Variants in LRIF1 observed in about 807,000 individuals in gnomAD.
The protein encoded by LRIF1 is ligand-dependent nuclear receptor-interacting factor 1.
In LRIF1, 32 loss-of-function variants were observed where a neutral mutation model predicts 52.7. That is an observed-to-expected ratio of 0.61 (90% CI 0.46 to 0.82). LRIF1 has a LOEUF of 0.82. Ranked by LOEUF, LRIF1 falls within the 40% of genes least tolerant of loss-of-function variation. LRIF1 has a pLI of 0.00. For synonymous variants in LRIF1, 323 were observed against 317.4 expected (o/e 1.02, Z -0.19); for missense variants, 887 against 892.0 (o/e 0.99, Z 0.07).
At chr1:110,918,084 T>G in the LRIF1 span, among the ~76,000 whole-genome samples, 2 of 152,182 alleles carry the variant, frequency 1.3e-5, no homozygotes, top group African/African-American at 2.4e-5. Flanking sequence ...AAAATTGACT[T>G]TCTTAAATTT....
At chr1:110,887,791 G>T in the LRIF1 span, among the ~76,000 whole-genome samples, 2 of 152,178 alleles carry the variant, frequency 1.3e-5, no homozygotes, top group Non-Finnish European at 2.9e-5. Context: ...CTATCCTTGG[G>T]CAGTTTTGTA....
chr1:110,929,369 A>C, the LRIF1 span, among the ~76,000 whole-genome samples: 1,891 of 152,280 alleles, frequency 0.012, 42 homozygotes, highest in African/African-American at 0.043. Context: ...GAACTACTTT[A>C]CACTTTCACC....
chr1:110,938,319 A>C, the LRIF1 span: 3 of 152,318 alleles, frequency 2.0e-5, no homozygotes, highest in Admixed American at 6.5e-5. Flanking sequence ...TCAAAATACT[A>C]ACAAGCCAAA....
the LRIF1 span, among the ~76,000 whole-genome samples, chr1:110,876,711 G>A: frequency 6.6e-6 from 1 of 151,934 alleles, no homozygotes; most frequent in Non-Finnish European, 1.5e-5. Context: ...TAACATAGAA[G>A]ACAAATTGTA....
intron 1 of LRIF1, among the ~76,000 whole-genome samples, chr1:110,955,112 C>G (rs1305559150): frequency 6.6e-6 from 1 of 152,168 alleles, no homozygotes; most frequent in African/African-American, 2.4e-5. Context: ...TTCAACATGG[C>G]CAGCAGATCT....
the LRIF1 span, among the ~76,000 whole-genome samples, chr1:110,884,267 G>T: frequency 6.6e-6 from 1 of 151,946 alleles, no homozygotes; most frequent in Non-Finnish European, 1.5e-5. Context: ...TTTCATCTAT[G>T]AACTATTTAG....
At chr1:110,898,379 G>GAAAA in the LRIF1 span, among the ~76,000 whole-genome samples, 4 of 115,644 alleles carry the variant, frequency 3.5e-5, no homozygotes, top group Non-Finnish European at 5.1e-5. Flanking sequence ...TCTGTCTCCA[G>GAAAA]AAAAAAAAAA....
chr1:110,903,812 C>A, the LRIF1 span, among the ~76,000 whole-genome samples: 1 of 152,014 alleles, frequency 6.6e-6, no homozygotes, highest in South Asian at 2.1e-4. Context: ...GAATAGAGCA[C>A]CAAGTAGGCT....
At position 110,951,638 on chromosome 1, in the gene LRIF1, A is replaced by G; in HGVS notation, c.1246T>C (p.Leu416=). ...EISREVVNIV[L]AKSKSSQMET... ...ATCTGGGAAGATTTACTTTTAGCCAAAACAATATTTACAACCTCTCTGGAT... is the reference window on the plus strand; with the variant it reads ...ATCTGGGAAGATTTACTTTTAGCCAGAACAATATTTACAACCTCTCTGGAT... The change falls in exon 2 of 4, where the codon TTG becomes CTG. Residue 416 remains leucine (L), a synonymous_variant. Transcript: ENST00000369763. The G allele has an allele frequency of 6.2e-7, 1 of 1,614,118 alleles. No individual in the cohort carries two copies. The highest frequency in any genetic ancestry group is 1.7e-5 in the Admixed American group (1 of 60,028).
At chr1:110,878,725 G>C in the LRIF1 span, among the ~76,000 whole-genome samples, 2 of 152,090 alleles carry the variant, frequency 1.3e-5, no homozygotes, top group Non-Finnish European at 1.5e-5. Flanking sequence ...TTCACTGAAA[G>C]AAAACAATTT....
the LRIF1 span, among the ~76,000 whole-genome samples, chr1:110,909,497 G>A: frequency 6.7e-6 from 1 of 149,868 alleles, no homozygotes; most frequent in South Asian, 2.1e-4. Context: ...CACATGCAAT[G>A]ACACATATAG....
downstream of LRIF1, chr1:110,947,170 G>T (rs1658232521): frequency 6.6e-6 from 1 of 151,526 alleles, no homozygotes; most frequent in Non-Finnish European, 1.5e-5. Flanking sequence ...CCAAATCAAA[G>T]ATTAACCAGA....
the LRIF1 span, among the ~76,000 whole-genome samples, chr1:110,917,186 C>T: frequency 9.2e-5 from 14 of 152,306 alleles, no homozygotes; most frequent in African/African-American, 3.1e-4. Context: ...AGGACACCTA[C>T]ATTATCCATT....
intron 1 of LRIF1, among the ~76,000 whole-genome samples, chr1:110,960,006 T>C (rs1658881682): frequency 6.6e-6 from 1 of 152,094 alleles, no homozygotes; most frequent in Admixed American, 6.5e-5. Context: ...TATATCTAAG[T>C]ACATAACATA....
chr1:110,892,813 T>C, the LRIF1 span: 1 of 313,884 alleles, frequency 3.2e-6, no homozygotes, highest in Non-Finnish European at 5.9e-6. Flanking sequence ...TAGCATTTTA[T>C]TTTTTCTTTA....
intron 3 of LRIF1, among the ~76,000 whole-genome samples, chr1:110,949,482 C>T (rs1197978467): frequency 2.0e-5 from 3 of 149,418 alleles, no homozygotes; most frequent in African/African-American, 5.0e-5. Context: ...TGCAATGGTG[C>T]GATCTCGGTT....
intron 1 of LRIF1, 35 bp from the exon 2 acceptor site, chr1:110,952,850 C>G: frequency 8.1e-7 from 1 of 1,227,210 alleles, no homozygotes; most frequent in Non-Finnish European, 1.1e-6. Context: ...ATACAACATA[C>G]TACATGGTAT....
the LRIF1 span, among the ~76,000 whole-genome samples, chr1:110,908,829 C>A: frequency 1.3e-5 from 2 of 152,130 alleles, no homozygotes; most frequent in African/African-American, 4.8e-5. Context: ...ATATTGTCCA[C>A]GAAAATTTTC....
the LRIF1 span, among the ~76,000 whole-genome samples, chr1:110,875,763 C>T: frequency 6.6e-6 from 1 of 152,110 alleles, no homozygotes; most frequent in Non-Finnish European, 1.5e-5. Context: ...GCTGCTGGGG[C>T]AGAGGAGGGA....
Sources: gnomAD v4.1 joint callset for allele counts (sites outside exome capture counted in the v4.1 genomes callset) on GRCh38, gnomAD v4.1.1 for gene constraint, MANE v1.5 for transcripts, NCBI Gene and HGNC (gene_info 2026-07-23, HGNC 2026-07-21) for gene names.